ZMYM4: variants seen among roughly 807,000 people sequenced by gnomAD.
ZMYM4 encodes zinc finger MYM-type protein 4.
A neutral mutation model predicts 183.2 loss-of-function variants in ZMYM4; 31 were observed. The observed-to-expected ratio is 0.17, with a 90% CI of 0.13 to 0.23. ZMYM4 has a LOEUF of 0.23. ZMYM4 is among the 10% of genes least tolerant of loss of function. The pLI, the probability that ZMYM4 is intolerant of heterozygous loss-of-function variation, is 1.00. For missense variants in ZMYM4, 1,273 were observed against 1,840.3 expected (o/e 0.69, Z 5.64); for synonymous variants, 592 against 631.2 (o/e 0.94, Z 0.93).
chr1:35,412,081 CAG>C (rs1639931530), intron 26 of ZMYM4, among the ~76,000 whole-genome samples: 1 of 149,492 alleles, frequency 6.7e-6, no homozygotes, highest in African/African-American at 2.4e-5. Flanking sequence ...TTAGTAGAGA[CAG>C]GGTTTCACCG....
chr1:35,404,887 A>G (rs1485498241), intron 23 of ZMYM4, 136 bp from the exon 24 acceptor site: 4 of 831,742 alleles, frequency 4.8e-6, no homozygotes, highest in Non-Finnish European at 7.1e-6. Flanking sequence ...TTCTTGCTCT[A>G]AGAACTCTGA....
intron 1 of ZMYM4, among the ~76,000 whole-genome samples, chr1:35,309,271 A>G (rs927206526): frequency 6.6e-6 from 1 of 152,210 alleles, no homozygotes; most frequent in Non-Finnish European, 1.5e-5. Flanking sequence ...ATTTTTGTAA[A>G]TTTAGCTTAT....
chr1:35,406,819 A>G (rs1645010669), intron 25 of ZMYM4, among the ~76,000 whole-genome samples: 1 of 152,228 alleles, frequency 6.6e-6, no homozygotes, highest in African/African-American at 2.4e-5. Context: ...CAGAAGAGCA[A>G]TGACTAGAAA....
Position 35,387,695 on chromosome 1 carries a change from T to C in ZMYM4, c.2263+91T>C, listed in dbSNP as rs74855768. 4,905 of 1,346,350 alleles carry C rather than the reference T, an allele frequency of 3.6e-3. 18 individuals are homozygous for C. Among genetic ancestry groups the C allele is most frequent in the Non-Finnish European group, 3.9e-3 (3,836 of 993,446 alleles). 83.4% of individuals were successfully genotyped at this position (1,346,350 alleles called of 1,614,324 possible). A position where few individuals can be genotyped will look rare whatever the true frequency, so the allele number is the denominator to read the frequency against. On this transcript the variant is annotated intron_variant, in intron 13 of 29. Coordinates refer to ENST00000314607, the MANE Select transcript of ZMYM4 (RefSeq NM_005095.3). ...TAAGCTTTCACTGTCTAAGTTAATC[T>C]GTTTTATTGTTTATGTATAACGTAA...
At chr1:35,270,996 G>GT (rs1247719257) in intron 1 of ZMYM4, among the ~76,000 whole-genome samples, 1 of 152,164 alleles carries the variant, frequency 6.6e-6, no homozygotes, top group Non-Finnish European at 1.5e-5. Context: ...TGTCCAAATA[G>GT]TTTTGTAAGT....
In ZMYM4 at chr1:35,419,719, C is replaced by T. The variant is rs1640261038; in HGVS notation, c.*42C>T. The T allele has an allele frequency of 1.3e-6, 2 of 1,585,154 alleles. No individual in the cohort carries two copies. Among genetic ancestry groups the T allele is most frequent in the Non-Finnish European group, 1.7e-6 (2 of 1,155,588 alleles). ...TTATTTTCATACATATTGGTATGCA[C>T]CAAACTGTGAATGCATCCAGCTGTT... On this transcript the variant is annotated 3_prime_UTR_variant, in exon 30 of 30. Transcript: ENST00000314607.
chr1:35,369,512 C>T (rs1644159332), intron 5 of ZMYM4, among the ~76,000 whole-genome samples: 2 of 151,702 alleles, frequency 1.3e-5, no homozygotes, highest in Non-Finnish European at 2.9e-5. Flanking sequence ...TCAAATGATT[C>T]AAATGAGCAA....
intron 7 of ZMYM4, among the ~76,000 whole-genome samples, chr1:35,371,880 A>C (rs1270312706): frequency 2.6e-5 from 4 of 152,224 alleles, no homozygotes; most frequent in Non-Finnish European, 4.4e-5. Flanking sequence ...AGGCAGCTTA[A>C]ATATATACTG....
At chr1:35,311,688 A>G (rs1641808457) in intron 1 of ZMYM4, among the ~76,000 whole-genome samples, 1 of 152,118 alleles carries the variant, frequency 6.6e-6, no homozygotes, top group African/African-American at 2.4e-5. Flanking sequence ...TAGTTTCCAT[A>G]TATGTATATA....
chr1:35,399,630 T>C (rs1644867674), intron 23 of ZMYM4, 54 bp downstream of exon 23: 1 of 1,583,320 alleles, frequency 6.3e-7, no homozygotes, highest in East Asian at 2.2e-5. Context: ...CTACAAGCAT[T>C]ATTTAGTTCC....
At chr1:35,323,465 G>T (rs1642373411) in intron 1 of ZMYM4, among the ~76,000 whole-genome samples, 1 of 152,142 alleles carries the variant, frequency 6.6e-6, no homozygotes, top group African/African-American at 2.4e-5. Flanking sequence ...TAAACAATGG[G>T]ATTCTTCTCA....
chr1:35,369,269 A>C (rs186134699), intron 5 of ZMYM4, among the ~76,000 whole-genome samples: 3 of 152,346 alleles, frequency 2.0e-5, no homozygotes. Context: ...TGTAAAAAGC[A>C]AACAGCACTG....
chr1:35,271,481 C>T (rs1455091393), intron 1 of ZMYM4, among the ~76,000 whole-genome samples: 3 of 152,146 alleles, frequency 2.0e-5, no homozygotes, highest in Non-Finnish European at 4.4e-5. Context: ...CGGCTCGTTG[C>T]AACCTCCGCC....
rs375178494 is a variant in ZMYM4 at position 35,361,181 on chromosome 1, T to C, written c.608-13T>C. 3.9e-5 allele frequency: 61 copies of C among 1,579,004 alleles called. No homozygotes were observed. The highest frequency in any genetic ancestry group is 5.0e-5 in the Non-Finnish European group (58 of 1,167,688). On this transcript the variant is annotated splice_polypyrimidine_tract_variant and intron_variant, in intron 3 of 29. Coordinates refer to ENST00000314607, the MANE Select transcript of ZMYM4 (RefSeq NM_005095.3). ...ATACATGTGTTTGTTTGTTTTTTTT[T>C]TCCTTTCAATAGCTAATCAAGTTGA...
intron 9 of ZMYM4, among the ~76,000 whole-genome samples, chr1:35,382,181 TACACACACACACACAC>T (rs59402643): frequency 3.7e-5 from 5 of 133,542 alleles, no homozygotes; most frequent in Admixed American, 2.3e-4. Context: ...TATACACACA[TACACACACACACACAC>T]ACACACACAC....
intron 2 of ZMYM4, among the ~76,000 whole-genome samples, chr1:35,350,556 G>A (rs918052907): frequency 2.0e-5 from 3 of 151,998 alleles, no homozygotes; most frequent in Non-Finnish European, 4.4e-5. Flanking sequence ...CAAGATGCTG[G>A]GATTACAGGC....
Position 35,389,847 on chromosome 1 carries a change from A to T in ZMYM4, c.2437-101A>T. The T allele has an allele frequency of 1.6e-6, 2 of 1,248,492 alleles. No homozygotes were observed. Among genetic ancestry groups the T allele is most frequent in the Non-Finnish European group, 2.2e-6 (2 of 908,084 alleles). The allele number at this position is 1,248,492 out of a possible 1,614,324, so 77.3% of individuals were successfully genotyped here. A position where few individuals can be genotyped will look rare whatever the true frequency, so the allele number is the denominator to read the frequency against. On this transcript the variant is annotated intron_variant, in intron 14 of 29. Transcript: ENST00000314607. The surrounding 1 kb of genome is among the most constrained non-coding windows in gnomAD (Gnocchi z 4.0). Reference sequence around the variant, plus strand: ...AAGACAAACTAATTTTTTGATCTAAATTCTAAGTTAATTTCGTCACTTGTT... The same window carrying T: ...AAGACAAACTAATTTTTTGATCTAATTTCTAAGTTAATTTCGTCACTTGTT...
intron 1 of ZMYM4, among the ~76,000 whole-genome samples, chr1:35,323,134 TGGGATTACAGGTGCCCGCC>T (rs1642357995): frequency 6.6e-6 from 1 of 152,158 alleles, no homozygotes; most frequent in Non-Finnish European, 1.5e-5. Context: ...CCCAAGTAGC[TGGGATTACAGGTGCCCGCC>T]ACCACGCCCA....
At chr1:35,396,296 T>A (rs1238581078) in intron 18 of ZMYM4, among the ~76,000 whole-genome samples, 1 of 152,194 alleles carries the variant, frequency 6.6e-6, no homozygotes, top group Non-Finnish European at 1.5e-5. Flanking sequence ...TCCTTTCAAT[T>A]TATCCATCTA....
Sources: gnomAD v4.1 joint callset for allele counts (sites outside exome capture counted in the v4.1 genomes callset) on GRCh38, gnomAD v4.1.1 for gene constraint, Gnocchi (gnomAD v3.1) non-coding constraint, MANE v1.5 for transcripts, NCBI Gene and HGNC (gene_info 2026-07-23, HGNC 2026-07-21) for gene names.